Variants in SRPK1 observed in about 807,000 individuals in gnomAD.
SRPK1 encodes SFRS protein kinase 1.
Under a neutral mutation model 89.5 loss-of-function variants are expected in SRPK1, and 52 were observed. The observed-to-expected ratio is 0.58, with a 90% CI of 0.46 to 0.73. The LOEUF is 0.73. SRPK1 is among the 30% of genes least tolerant of loss of function. SRPK1 has a pLI of 0.00. For missense variants in SRPK1, 603 were observed against 780.6 expected (o/e 0.77, Z 2.71); for synonymous variants, 255 against 270.2 (o/e 0.94, Z 0.55).
At chr6:35,879,483 C>T (rs896408124) in intron 6 of SRPK1, among the ~76,000 whole-genome samples, 1 of 151,880 alleles carries the variant, frequency 6.6e-6, no homozygotes, top group South Asian at 2.1e-4. Flanking sequence ...GACATCAAGG[C>T]TGCAGTTTAA....
chr6:35,915,280 G>A lies in SRPK1; in HGVS notation c.74+5188C>T, dbSNP rs542415801. On this transcript the variant is annotated intron_variant, in intron 2 of 15. Coordinates refer to ENST00000373825, the MANE Select transcript of SRPK1 (RefSeq NM_003137.5). ...AAATTAGCCAGGCATGGTGGCGGGC[G>A]CCTGTAGTCCCGGCTACTCGGGAGG... Among the ~76,000 whole-genome samples the A allele has an allele frequency of 6.6e-5, 10 of 151,732 alleles. No homozygotes were observed. The East Asian group carries it at 9.8e-4, about 15-fold the overall frequency.
At chr6:35,917,610 A>G (rs1333813939) in intron 2 of SRPK1, among the ~76,000 whole-genome samples, 1 of 152,214 alleles carries the variant, frequency 6.6e-6, no homozygotes, top group Non-Finnish European at 1.5e-5. Flanking sequence ...ACAAACACAG[A>G]GCTGGAAAGG....
chr6:35,869,826 CAATT>C lies in SRPK1; in HGVS notation c.1063_1066del (p.Asn355AlafsTer4). 2 of 1,611,986 alleles carry C rather than the reference CAATT, an allele frequency of 1.2e-6. No homozygotes were observed. The highest frequency in any genetic ancestry group is 1.7e-6 in the Non-Finnish European group (2 of 1,178,930). On this transcript the variant is annotated frameshift_variant, in exon 11 of 16. Transcript: ENST00000373825. LOFTEE classifies it high-confidence loss of function. ...ATTAATGACTTCAATCACTCCATTGCAATTAATTTCTGCTGCACCACCCTCTGTA... is the reference window on the plus strand; with the variant it reads ...ATTAATGACTTCAATCACTCCATTGCAATTTCTGCTGCACCACCCTCTGTA...
intron 2 of SRPK1, 43 bp downstream of exon 2, chr6:35,920,425 G>A (rs371381324): frequency 2.3e-4 from 363 of 1,605,506 alleles, no homozygotes; most frequent in Non-Finnish European, 2.9e-4. Flanking sequence ...AGAAGGTGCC[G>A]GAGGAAAATC....
At chr6:35,879,358 G>T (rs933528696) in intron 6 of SRPK1, among the ~76,000 whole-genome samples, 3 of 151,780 alleles carry the variant, frequency 2.0e-5, no homozygotes, top group African/African-American at 7.3e-5. Context: ...ACCAGCCTGG[G>T]CAACATAGCA....
chr6:35,888,492 T>C (rs1395339057), intron 4 of SRPK1, among the ~76,000 whole-genome samples: 1 of 152,142 alleles, frequency 6.6e-6, no homozygotes, highest in African/African-American at 2.4e-5. Flanking sequence ...GGTTAAAAGC[T>C]GTAATATTTT....
At chr6:35,873,145 T>C (rs2127247985) in intron 7 of SRPK1, among the ~76,000 whole-genome samples, 1 of 152,330 alleles carries the variant, frequency 6.6e-6, no homozygotes, top group Non-Finnish European at 1.5e-5. Flanking sequence ...CCAGGACATA[T>C]AATCCAAACA....
At chr6:35,893,864 A>G (rs571149308) in intron 2 of SRPK1, among the ~76,000 whole-genome samples, 2 of 152,170 alleles carry the variant, frequency 1.3e-5, no homozygotes, top group African/African-American at 4.8e-5. Flanking sequence ...TACAAAAATT[A>G]GCCAGGCACA....
chr6:35,916,896 C>T (rs1303135334), intron 2 of SRPK1, among the ~76,000 whole-genome samples: 4 of 151,972 alleles, frequency 2.6e-5, no homozygotes, highest in Non-Finnish European at 4.4e-5. Flanking sequence ...GTCTCTACCC[C>T]GAAAAATACA....
chr6:35,893,993 A>G (rs1770577038), intron 2 of SRPK1, among the ~76,000 whole-genome samples: 1 of 152,200 alleles, frequency 6.6e-6, no homozygotes, highest in Admixed American at 6.5e-5. Context: ...CCTGGGCGAC[A>G]GAGCGAGACT....
intron 14 of SRPK1, 71 bp downstream of exon 14, chr6:35,842,464 A>G (rs1769331255): frequency 5.5e-6 from 7 of 1,263,140 alleles, no homozygotes; most frequent in Non-Finnish European, 7.7e-6. Context: ...CTTCGGTACT[A>G]ACAAATGATG....
chr6:35,899,617 T>C (rs745499079), intron 2 of SRPK1, among the ~76,000 whole-genome samples: 3 of 152,200 alleles, frequency 2.0e-5, no homozygotes, highest in African/African-American at 7.2e-5. Context: ...AGAACTAGAC[T>C]GTGAAGAGCC....
chr6:35,855,894 C>CTATAA (rs1554150358), intron 13 of SRPK1, among the ~76,000 whole-genome samples: 4 of 152,198 alleles, frequency 2.6e-5, no homozygotes, highest in Non-Finnish European at 5.9e-5. Flanking sequence ...ACCACCACGT[C>CTATAA]TGGCTAATTT....
chr6:35,919,935 C>A (rs1366345394), intron 2 of SRPK1: 2 of 382,518 alleles, frequency 5.2e-6, no homozygotes, highest in Non-Finnish European at 5.1e-6. Flanking sequence ...AGCCGATACG[C>A]CTTACAGGCT....
chr6:35,869,733 T>G lies in SRPK1; in HGVS notation c.1160A>C (p.Asp387Ala), dbSNP rs752342368. Residue 387 changes from aspartate to alanine, a missense_variant, in exon 11 of 16, where the codon GAT (aspartate) becomes GCT (alanine). By Grantham distance (126) the Asp-to-Ala change is moderately radical. Coordinates refer to ENST00000373825, the MANE Select transcript of SRPK1 (RefSeq NM_003137.5). ...KEDLHNANDCDVQNLNQESSF... is the reference protein window; with the variant it reads ...KEDLHNANDCAVQNLNQESSF... The stretch of plus-strand genomic sequence containing the variant: ...AGATTCCTGATTCAAATTTTGGACA[T>G]CACAGTCATTAGCATTATGTAGATC... 1.2e-6 allele frequency: 2 copies of G among 1,613,942 alleles called. No individual in the cohort carries two copies. The highest frequency in any genetic ancestry group is 1.7e-6 in the Non-Finnish European group (2 of 1,179,826).
At chr6:35,920,040 A>G (rs1014938302) in intron 2 of SRPK1, 3 of 456,760 alleles carry the variant, frequency 6.6e-6, no homozygotes, top group African/African-American at 6.0e-5. Flanking sequence ...GGAAAAATTC[A>G]TTCAAGAATT....
intron 15 of SRPK1, 53 bp downstream of exon 15, chr6:35,838,284 T>C: frequency 1.5e-6 from 2 of 1,310,332 alleles, no homozygotes; most frequent in Non-Finnish European, 2.1e-6. Flanking sequence ...TGCTTACCTC[T>C]TCATTTTTAA....
intron 15 of SRPK1, among the ~76,000 whole-genome samples, chr6:35,836,084 G>C (rs1038964597): frequency 6.6e-6 from 1 of 152,112 alleles, no homozygotes; most frequent in East Asian, 1.9e-4. Context: ...CGGTCTGTCA[G>C]GTCTGCACAG....
At chr6:35,909,644 G>A (rs1251476951) in intron 2 of SRPK1, among the ~76,000 whole-genome samples, 1 of 152,206 alleles carries the variant, frequency 6.6e-6, no homozygotes, top group African/African-American at 2.4e-5. Flanking sequence ...ATCTCAAATT[G>A]TAATACCCAC....
Sources: gnomAD v4.1 joint callset for allele counts (sites outside exome capture counted in the v4.1 genomes callset) on GRCh38, gnomAD v4.1.1 for gene constraint, MANE v1.5 for transcripts, NCBI Gene and HGNC (gene_info 2026-07-23, HGNC 2026-07-21) for gene names.